LAPTM4B: variants seen among roughly 807,000 people sequenced by gnomAD.
The protein encoded by LAPTM4B is lysosomal-associated transmembrane protein 4B.
LAPTM4B carries 26 observed loss-of-function variants against 28.5 expected under a neutral mutation model. The observed-to-expected ratio is 0.91, with a 90% CI of 0.67 to 1.27. The LOEUF is 1.27. Ranked by LOEUF, LAPTM4B falls within the 50% of genes most tolerant of loss-of-function variation. LAPTM4B has a pLI of 0.00. For synonymous variants in LAPTM4B, 109 were observed against 106.4 expected, an observed-to-expected ratio of 1.02 and a Z score of -0.15; for missense variants, 288 against 285.8, an observed-to-expected ratio of 1.01 and a Z score of -0.06.
chr8:97,781,790 T>G (rs1816324403), intron 1 of LAPTM4B, among the ~76,000 whole-genome samples: 1 of 152,250 alleles, frequency 6.6e-6, no homozygotes, highest in African/African-American at 2.4e-5. Context: ...CTTCTTTCAC[T>G]TAGCATAACT....
At chr8:97,796,240 A>C (rs1351503487) in intron 1 of LAPTM4B, among the ~76,000 whole-genome samples, 2 of 152,116 alleles carry the variant, frequency 1.3e-5, no homozygotes, top group Non-Finnish European at 2.9e-5. Context: ...TTATTTCTTG[A>C]TTATATGCTA....
chr8:97,821,590 T>A (rs996857443), intron 5 of LAPTM4B, among the ~76,000 whole-genome samples: 9 of 151,446 alleles, frequency 5.9e-5, no homozygotes, highest in Admixed American at 6.6e-5. Flanking sequence ...TAGTGGTGCA[T>A]CAAGCGTAGC....
chr8:97,779,490 GA>G (rs1002816043), intron 1 of LAPTM4B, among the ~76,000 whole-genome samples: 1 of 149,056 alleles, frequency 6.7e-6, no homozygotes. Context: ...CTCAAAAAAA[GA>G]AAAAAAAAGA....
chr8:97,805,122 C>T (rs749939664), intron 1 of LAPTM4B, among the ~76,000 whole-genome samples: 17 of 152,136 alleles, frequency 1.1e-4, no homozygotes, highest in Non-Finnish European at 2.4e-4. Context: ...CTGCTGTTGT[C>T]TTCACTCCAA....
intron 1 of LAPTM4B, among the ~76,000 whole-genome samples, chr8:97,785,796 C>T (rs536589012): frequency 6.6e-6 from 1 of 152,268 alleles, no homozygotes; most frequent in African/African-American, 2.4e-5. Flanking sequence ...TCAGTTTCAA[C>T]AGTTGAAGAC....
chr8:97,800,216 C>T (rs1045400303), intron 1 of LAPTM4B, among the ~76,000 whole-genome samples: 1 of 152,046 alleles, frequency 6.6e-6, no homozygotes, highest in Admixed American at 6.6e-5. Context: ...GAATAATAAG[C>T]GGATTAAGAG....
chr8:97,846,613 C>T (rs1402901210), intron 6 of LAPTM4B, among the ~76,000 whole-genome samples: 1 of 152,212 alleles, frequency 6.6e-6, no homozygotes, highest in Non-Finnish European at 1.5e-5. Flanking sequence ...AGGCGTGAGC[C>T]ACTGTGTCAG....
intron 1 of LAPTM4B, chr8:97,788,416 A>T: frequency 4.4e-6 from 1 of 227,382 alleles, no homozygotes. Flanking sequence ...GAGATAACTA[A>T]TTTTCTATTT....
At chr8:97,837,324 C>T (rs1393752917) in intron 6 of LAPTM4B, among the ~76,000 whole-genome samples, 2 of 151,604 alleles carry the variant, frequency 1.3e-5, no homozygotes, top group African/African-American at 4.8e-5. Context: ...TCCTGAGTAG[C>T]TGGGACTACA....
intron 5 of LAPTM4B, among the ~76,000 whole-genome samples, chr8:97,823,633 C>T (rs967381424): frequency 6.6e-6 from 1 of 151,570 alleles, no homozygotes; most frequent in Admixed American, 6.6e-5. Flanking sequence ...CCTCGGCCTC[C>T]CAAAGTGCTG....
chr8:97,841,818 G>A (rs1039866988), intron 6 of LAPTM4B, among the ~76,000 whole-genome samples: 1 of 152,170 alleles, frequency 6.6e-6, no homozygotes, highest in South Asian at 2.1e-4. Context: ...ATAAATATTT[G>A]ATGTAAACAC....
In LAPTM4B at chr8:97,776,945, C is replaced by G. The variant is rs62521743; in HGVS notation, c.99+837C>G. 2.8e-3 allele frequency among the ~76,000 whole-genome samples: 426 copies of G among 151,768 alleles called. 4 individuals carry two copies. The highest frequency in any genetic ancestry group is 9.2e-3 in the African/African-American group (379 of 41,406). Reference sequence around the variant, plus strand: ...TGAGGAAACCTGATGGAGTCTTGCCCGCACCTGCCCTGCGTTGGTTGGTGG... The same window carrying G: ...TGAGGAAACCTGATGGAGTCTTGCCGGCACCTGCCCTGCGTTGGTTGGTGG... On this transcript the variant is annotated intron_variant, in intron 1 of 6. Transcript: ENST00000521545.
chr8:97,851,773 A>G lies in LAPTM4B; in HGVS notation c.*299A>G, dbSNP rs1817527575. 2.4e-5 allele frequency: 8 copies of G among 333,794 alleles called. No homozygotes were observed. The highest frequency in any genetic ancestry group is 4.5e-5 in the Admixed American group (1 of 21,986). 20.7% of individuals were successfully genotyped at this position (333,794 alleles called of 1,614,324 possible). ...GATGGACCTAGAAGTCTGCTTTTGT[A>G]CCTGCTGGGCCCCAAAGTTGGGCAT... On this transcript the variant is annotated 3_prime_UTR_variant, in exon 7 of 7. Coordinates refer to ENST00000521545, the MANE Select transcript of LAPTM4B (RefSeq NM_018407.6).
chr8:97,797,691 A>T (rs990369410), intron 1 of LAPTM4B, among the ~76,000 whole-genome samples: 9 of 151,652 alleles, frequency 5.9e-5, no homozygotes, highest in African/African-American at 1.7e-4. Context: ...GTTCATAAGG[A>T]TTTTTTTTAT....
intron 6 of LAPTM4B, among the ~76,000 whole-genome samples, chr8:97,845,918 G>A (rs1293134462): frequency 5.4e-5 from 5 of 92,066 alleles, no homozygotes. Flanking sequence ...CCTTCGACAG[G>A]GTCTTGCTCT....
At chr8:97,847,791 T>C (rs1817454096) in intron 6 of LAPTM4B, among the ~76,000 whole-genome samples, 1 of 152,184 alleles carries the variant, frequency 6.6e-6, no homozygotes, top group Non-Finnish European at 1.5e-5. Context: ...TTGAAAGTAG[T>C]CCAAAGGCGT....
chr8:97,832,069 A>T lies in LAPTM4B; in HGVS notation c.603+6916A>T, dbSNP rs116672802. ...AATATACTTCTAGTTGTTTTTTTCCAGTAGAAATTTTATAGAAATTAGGGT... is the reference window on the plus strand; with the variant it reads ...AATATACTTCTAGTTGTTTTTTTCCTGTAGAAATTTTATAGAAATTAGGGT... On this transcript the variant is annotated intron_variant, in intron 6 of 6. Transcript: ENST00000521545. Among the ~76,000 whole-genome samples, 695 of 152,268 alleles carry T rather than the reference A, an allele frequency of 4.6e-3. 4 individuals carry two copies. Among genetic ancestry groups the T allele is most frequent in the African/African-American group, 0.016 (658 of 41,538 alleles).
At chr8:97,802,738 T>C (rs979145769) in intron 1 of LAPTM4B, among the ~76,000 whole-genome samples, 1 of 151,230 alleles carries the variant, frequency 6.6e-6, no homozygotes, top group Non-Finnish European at 1.5e-5. Context: ...AACTTTTCAC[T>C]ATATATTCTT....
intron 6 of LAPTM4B, among the ~76,000 whole-genome samples, chr8:97,826,772 G>T (rs1817097632): frequency 6.6e-6 from 1 of 152,168 alleles, no homozygotes; most frequent in Non-Finnish European, 1.5e-5. Context: ...GCCTCCCAAA[G>T]TGCCAGGATT....
Sources: gnomAD v4.1 joint callset for allele counts (sites outside exome capture counted in the v4.1 genomes callset) on GRCh38, gnomAD v4.1.1 for gene constraint, MANE v1.5 for transcripts, NCBI Gene and HGNC (gene_info 2026-07-23, HGNC 2026-07-21) for gene names.